The following DNAJC12 variants were observed in gnomAD, a reference collection of about 807,000 sequenced individuals.
The protein encoded by DNAJC12 is DnaJ heat shock protein family (Hsp40) member C12.
Under a neutral mutation model 28.5 loss-of-function variants are expected in DNAJC12, and 25 were observed. That is an observed-to-expected ratio of 0.88 (90% confidence interval 0.64 to 1.22). The LOEUF is 1.22. Among genes scored for constraint, DNAJC12 ranks in the 50% most tolerant of loss-of-function variants. The pLI, the probability that DNAJC12 is intolerant of heterozygous loss-of-function variation, is 0.00. For synonymous variants in DNAJC12, 77 were observed against 80.6 expected (o/e 0.95, Z 0.24); for missense variants, 222 against 231.7 (o/e 0.96, Z 0.27).
intron 3 of DNAJC12, 82 bp from the exon 4 acceptor site, chr10:67,805,869 A>T: frequency 9.2e-7 from 1 of 1,091,724 alleles, no homozygotes; most frequent in Non-Finnish European, 1.3e-6. Flanking sequence ...ATGTGGTAAC[A>T]CCTGACCTAC....
intron 1 of DNAJC12, among the ~76,000 whole-genome samples, chr10:67,834,469 C>T (rs1208076809): frequency 1.3e-5 from 2 of 152,164 alleles, no homozygotes; most frequent in African/African-American, 4.8e-5. Context: ...TTATATATCA[C>T]GTATTATTTA....
intron 3 of DNAJC12, chr10:67,811,267 G>A (rs1180065571): frequency 8.0e-7 from 1 of 1,254,018 alleles, no homozygotes; most frequent in Admixed American, 3.9e-5. Flanking sequence ...GCAATAACAG[G>A]GAGTGTGTAT....
At chr10:67,803,015 AT>A (rs202018047) in intron 4 of DNAJC12, among the ~76,000 whole-genome samples, 3,408 of 102,668 alleles carry the variant, frequency 0.033, 137 homozygotes, top group African/African-American at 0.088. Flanking sequence ...TAATTTTCAT[AT>A]TTTTTTTTAG....
intron 1 of DNAJC12, chr10:67,833,617 G>A (rs1460386531): frequency 3.9e-5 from 11 of 280,338 alleles, no homozygotes; most frequent in Non-Finnish European, 4.3e-5. Context: ...GTTAACTATA[G>A]CAATGTTAAT....
intron 4 of DNAJC12, among the ~76,000 whole-genome samples, chr10:67,804,166 G>A (rs1031737778): frequency 6.6e-6 from 1 of 152,202 alleles, no homozygotes; most frequent in African/African-American, 2.4e-5. Flanking sequence ...GTTACAATGT[G>A]TGTATACAAT....
At chr10:67,809,905 C>G (rs1841842304) in intron 3 of DNAJC12, among the ~76,000 whole-genome samples, 1 of 152,160 alleles carries the variant, frequency 6.6e-6, no homozygotes, top group African/African-American at 2.4e-5. Context: ...GTATACTACT[C>G]AGGTGATGGG....
chr10:67,802,185 G>T (rs936874048), intron 4 of DNAJC12, among the ~76,000 whole-genome samples: 3 of 152,078 alleles, frequency 2.0e-5, no homozygotes, highest in African/African-American at 7.2e-5. Flanking sequence ...TTAAACAATA[G>T]CATACATATC....
At position 67,797,767 on chromosome 10, in the gene DNAJC12, G is replaced by A. The variant is rs146380879; in HGVS notation, c.503-557C>T. Among the ~76,000 whole-genome samples, 252 of 152,238 alleles carry A rather than the reference G, an allele frequency of 1.7e-3. 2 individuals carry two copies. Among genetic ancestry groups the A allele is most frequent in the African/African-American group, 5.5e-3 (228 of 41,548 alleles). On this transcript the variant is annotated intron_variant, in intron 4 of 4. Coordinates refer to ENST00000225171, the MANE Select transcript of DNAJC12 (RefSeq NM_021800.3). ...TAAAATGTATAAACCTTTGCCAGGC[G>A]CAGTGGCTCACGCCTGTAATCCCAG...
intron 4 of DNAJC12, among the ~76,000 whole-genome samples, chr10:67,797,533 A>C (rs1768177564): frequency 6.6e-6 from 1 of 152,178 alleles, no homozygotes; most frequent in African/African-American, 2.4e-5. Flanking sequence ...GTTTTCAAAA[A>C]CCTTTCAAAA....
At chr10:67,800,046 C>T (rs1189287559) in intron 4 of DNAJC12, among the ~76,000 whole-genome samples, 3 of 151,756 alleles carry the variant, frequency 2.0e-5, no homozygotes, top group African/African-American at 7.3e-5. Flanking sequence ...GCCTGGGCAA[C>T]ATGGCGAAAC....
At chr10:67,818,592 T>C (rs965665516) in intron 2 of DNAJC12, among the ~76,000 whole-genome samples, 2 of 152,132 alleles carry the variant, frequency 1.3e-5, no homozygotes, top group Non-Finnish European at 2.9e-5. Context: ...CATGCTTCAC[T>C]GAAAAGAACC....
At chr10:67,824,051 C>G (rs1842006311) in intron 1 of DNAJC12, among the ~76,000 whole-genome samples, 5 of 151,988 alleles carry the variant, frequency 3.3e-5, no homozygotes, top group Admixed American at 2.6e-4. Context: ...GCCTAGCCAA[C>G]ACGGTGAAAC....
intron 4 of DNAJC12, among the ~76,000 whole-genome samples, chr10:67,800,477 A>G (rs944747532): frequency 1.3e-5 from 2 of 152,120 alleles, no homozygotes; most frequent in Non-Finnish European, 2.9e-5. Flanking sequence ...TGTCATCCAA[A>G]GGGCATTTAC....
At chr10:67,815,368 C>T (rs574470202) in intron 2 of DNAJC12, among the ~76,000 whole-genome samples, 16 of 151,806 alleles carry the variant, frequency 1.1e-4, no homozygotes, top group East Asian at 3.9e-4. Context: ...ATTAGCTGGG[C>T]GTGGTGGTGC....
intron 1 of DNAJC12, among the ~76,000 whole-genome samples, chr10:67,835,853 A>G (rs1011766598): frequency 7.9e-5 from 12 of 152,152 alleles, no homozygotes; most frequent in Admixed American, 7.9e-4. Flanking sequence ...TACATCCAGT[A>G]AAAGGAATGT....
chr10:67,822,823 TA>T (rs899695961), intron 2 of DNAJC12, among the ~76,000 whole-genome samples: 5 of 149,274 alleles, frequency 3.3e-5, no homozygotes, highest in African/African-American at 1.2e-4. Context: ...CCCTGCCTAC[TA>T]AAAAAATACA....
chr10:67,802,822 A>T (rs548380822), intron 4 of DNAJC12, among the ~76,000 whole-genome samples: 5 of 149,430 alleles, frequency 3.3e-5, no homozygotes, highest in Admixed American at 2.7e-4. Context: ...TATTTTACGT[A>T]TATTAAGTTA....
chr10:67,817,669 G>T (rs529104417), intron 2 of DNAJC12, among the ~76,000 whole-genome samples: 1 of 151,814 alleles, frequency 6.6e-6, no homozygotes, highest in South Asian at 2.1e-4. Context: ...TTGAGGTCAG[G>T]AGTTTGAGAC....
chr10:67,811,552 C>T lies in DNAJC12; in HGVS notation c.269G>A (p.Trp90Ter), dbSNP rs1215425856. The T allele has an allele frequency of 6.2e-7, 1 of 1,614,058 alleles. No homozygotes were observed. Among genetic ancestry groups the T allele is most frequent in the African/African-American group, 1.3e-5 (1 of 74,938 alleles). Residue 90 changes from tryptophan to a stop codon, truncating the protein, a stop_gained, in exon 3 of 5, where the codon TGG becomes TAG. Coordinates refer to ENST00000225171, the MANE Select transcript of DNAJC12 (RefSeq NM_021800.3). LOFTEE classifies it high-confidence loss of function. ...RSQMSMPFQQ[W>*]EALNDSVKTS... The stretch of plus-strand genomic sequence containing the variant: ...CTTCACTGAGTCATTCAAAGCTTCC[C>T]ACTGCTGGAATGGCATCGACATCTG...
Sources: allele counts gnomAD v4.1 joint callset (sites outside exome capture counted in the v4.1 genomes callset), GRCh38; gene constraint gnomAD v4.1.1; transcripts MANE v1.5; gene names NCBI Gene and HGNC (gene_info 2026-07-23, HGNC 2026-07-21).